The following STPG4 variants were observed in gnomAD, a reference collection of about 807,000 sequenced individuals.
The protein encoded by STPG4 is protein STPG4.
STPG4 carries 41 observed loss-of-function variants against 31.5 expected under a neutral mutation model. The observed-to-expected ratio is 1.30, with a 90% CI of 1.01 to 1.69. The LOEUF (loss-of-function observed/expected upper bound fraction) is 1.69. Ranked by LOEUF, STPG4 falls within the 40% of genes most tolerant of loss-of-function variation. The pLI is 0.00. For missense variants in STPG4, 375 were observed against 293.4 expected, an observed-to-expected ratio of 1.28 and a Z score of -2.03; for synonymous variants, 141 against 103.0, an observed-to-expected ratio of 1.37 and a Z score of -2.24.
At chr2:47,154,603 T>C (rs1159535551) in intron 1 of STPG4, among the ~76,000 whole-genome samples, 2 of 152,208 alleles carry the variant, frequency 1.3e-5, no homozygotes, top group Admixed American at 6.5e-5. Flanking sequence ...TGGCGGTGCA[T>C]GCCTGTAATC....
intron 5 of STPG4, among the ~76,000 whole-genome samples, chr2:47,124,071 C>G (rs1686321216): frequency 6.6e-6 from 1 of 152,134 alleles, no homozygotes; most frequent in African/African-American, 2.4e-5. Flanking sequence ...CAACCTCTGC[C>G]TCCCAGGTTC....
intron 5 of STPG4, chr2:47,108,333 C>G (rs1485110403): frequency 6.6e-6 from 1 of 152,158 alleles, no homozygotes; most frequent in African/African-American, 2.4e-5. Flanking sequence ...TGCAATAAAT[C>G]TTGCTACTGC....
At chr2:47,131,651 T>G (rs1686487391) in intron 3 of STPG4, among the ~76,000 whole-genome samples, 4 of 152,098 alleles carry the variant, frequency 2.6e-5, no homozygotes. Flanking sequence ...AGAGATTAAA[T>G]CCAACTGGGT....
chr2:47,153,000 G>A lies in STPG4; in HGVS notation c.98C>T (p.Thr33Ile). The A allele has an allele frequency of 6.2e-7, 1 of 1,611,802 alleles. No individual in the cohort carries two copies. Among genetic ancestry groups the A allele is most frequent in the South Asian group, 1.1e-5 (1 of 90,818 alleles). The change falls in exon 2 of 7, where the codon ACT becomes ATT. Residue 33 changes from threonine to isoleucine, a missense_variant. Coordinates refer to ENST00000445927, the MANE Select transcript of STPG4 (RefSeq NM_001163561.2). ...FITASKPAQK[T>I]SSFEREGWWR... is the part of the protein sequence containing the mutation. Reference sequence around the variant, plus strand: ...CCATCCTTCTCTTTCAAAAGAGGAAGTCTTTTGGGCTGGTTTCTGTTAACA... The same window carrying A: ...CCATCCTTCTCTTTCAAAAGAGGAAATCTTTTGGGCTGGTTTCTGTTAACA...
chr2:47,109,364 C>G (rs1368747618), intron 5 of STPG4, among the ~76,000 whole-genome samples: 2 of 152,108 alleles, frequency 1.3e-5, no homozygotes, highest in African/African-American at 4.8e-5. Flanking sequence ...CAAGACCAGC[C>G]TGGCCAACAT....
chr2:47,140,409 C>T (rs1283735576), intron 3 of STPG4, among the ~76,000 whole-genome samples: 6 of 152,194 alleles, frequency 3.9e-5, no homozygotes, highest in Admixed American at 2.0e-4. Context: ...CCTCAAAACA[C>T]GTGAGGCACC....
chr2:47,091,552 C>CA (rs2103724346), intron 5 of STPG4, among the ~76,000 whole-genome samples: 1 of 151,910 alleles, frequency 6.6e-6, no homozygotes, highest in South Asian at 2.1e-4. Context: ...TGGGACAGGG[C>CA]AAAAAACAGA....
intron 5 of STPG4, among the ~76,000 whole-genome samples, chr2:47,102,618 C>T (rs1367446311): frequency 1.3e-5 from 2 of 151,894 alleles, no homozygotes; most frequent in African/African-American, 4.9e-5. Context: ...GACCCCTCAG[C>T]TTACCCCCAT....
intron 5 of STPG4, among the ~76,000 whole-genome samples, chr2:47,118,685 T>C (rs547651050): frequency 6.6e-6 from 1 of 152,288 alleles, no homozygotes; most frequent in East Asian, 1.9e-4. Context: ...CTCTTAATAG[T>C]TGTGTGACCT....
intron 2 of STPG4, 62 bp from the exon 3 acceptor site, chr2:47,151,577 T>C (rs1045685345): frequency 7.0e-7 from 1 of 1,426,564 alleles, no homozygotes; most frequent in Non-Finnish European, 9.7e-7. Context: ...TAAAACACCA[T>C]TCTTGGATGG....
chr2:47,154,936 CGAAGGA>C (rs1272477421), intron 1 of STPG4, among the ~76,000 whole-genome samples: 2 of 150,704 alleles, frequency 1.3e-5, no homozygotes, highest in African/African-American at 4.9e-5. Flanking sequence ...AAACAAAGGG[CGAAGGA>C]GAAGGAAAAG....
At chr2:47,133,246 C>A (rs557492520) in intron 3 of STPG4, among the ~76,000 whole-genome samples, 8 of 152,044 alleles carry the variant, frequency 5.3e-5, no homozygotes, top group African/African-American at 4.8e-5. Context: ...TAGCTCACTG[C>A]GCTTCAACCT....
intron 5 of STPG4, among the ~76,000 whole-genome samples, chr2:47,101,887 A>G (rs1431745678): frequency 1.3e-5 from 2 of 151,844 alleles, no homozygotes; most frequent in African/African-American, 4.9e-5. Context: ...GGAAAGGGGT[A>G]AAGTCCCAAC....
intron 5 of STPG4, among the ~76,000 whole-genome samples, chr2:47,102,570 A>G (rs1299761652): frequency 6.6e-6 from 1 of 151,878 alleles, no homozygotes; most frequent in East Asian, 1.9e-4. Context: ...GAGAGAATAC[A>G]CAACTATGCA....
rs149032483 is a variant in STPG4, at chr2:47,119,298, G to A, written c.519+10643C>T. Among the ~76,000 whole-genome samples the A allele has an allele frequency of 2.6e-4, 39 of 152,324 alleles. No homozygotes were observed. The East Asian group carries it at 7.3e-3, about 29-fold the overall frequency. ...TTCTTTTTACTTTTTCAAAGGACAG[G>A]ATGTTCCAAATCAGTGAATCACTTT... On this transcript the variant is annotated intron_variant, in intron 5 of 6. Coordinates refer to ENST00000445927, the MANE Select transcript of STPG4 (RefSeq NM_001163561.2).
At chr2:47,090,232 C>G in intron 6 of STPG4, 38 bp downstream of exon 6, 1 of 1,431,676 alleles carries the variant, frequency 7.0e-7, no homozygotes, top group Admixed American at 2.0e-5. Context: ...AACCATACCC[C>G]TAGGGGTGGG....
At chr2:47,129,832 G>T in intron 5 of STPG4, 109 bp downstream of exon 5, 1 of 1,358,970 alleles carries the variant, frequency 7.4e-7, no homozygotes, top group Admixed American at 2.3e-5. Context: ...TCCTGCTAGG[G>T]GGAACGATCA....
At chr2:47,088,052 C>T (rs887278669) in intron 6 of STPG4, among the ~76,000 whole-genome samples, 8 of 151,972 alleles carry the variant, frequency 5.3e-5, no homozygotes, top group African/African-American at 1.5e-4. Context: ...AGCACCCAGC[C>T]GGGGTTTTTT....
chr2:47,107,553 G>C (rs970442579), intron 5 of STPG4, among the ~76,000 whole-genome samples: 2 of 152,142 alleles, frequency 1.3e-5, no homozygotes, highest in Non-Finnish European at 2.9e-5. Flanking sequence ...CGCCATGCCT[G>C]AGCCTCCCAC....
Sources: gnomAD v4.1 joint callset for allele counts (sites outside exome capture counted in the v4.1 genomes callset) on GRCh38, gnomAD v4.1.1 for gene constraint, MANE v1.5 for transcripts, NCBI Gene and HGNC (gene_info 2026-07-23, HGNC 2026-07-21) for gene names.